CPLANE1: variants seen among roughly 807,000 people sequenced by gnomAD.
CPLANE1 encodes ciliogenesis and planar polarity effector 1.
In CPLANE1, 263 loss-of-function variants were observed where a neutral mutation model predicts 362.5. That is an observed-to-expected ratio of 0.73 (90% CI 0.66 to 0.80). The LOEUF is 0.80. CPLANE1 is among the 30% of genes least tolerant of loss of function. CPLANE1 has a pLI of 0.00. For synonymous variants in CPLANE1, 1,212 were observed against 1,302.6 expected (o/e 0.93, Z 1.50); for missense variants, 3,461 against 3,793.4 (o/e 0.91, Z 2.30).
intron 46 of CPLANE1, among the ~76,000 whole-genome samples, chr5:37,131,068 G>A (rs760289330): frequency 6.6e-5 from 10 of 152,202 alleles, no homozygotes; most frequent in South Asian, 2.1e-4. Context: ...TCGAAGAAGT[G>A]ATGAGTACTT....
chr5:37,142,402 T>A lies in CPLANE1; in HGVS notation c.8540A>T (p.Glu2847Val), dbSNP rs1313782081. 1.2e-6 allele frequency: 2 copies of A among 1,611,546 alleles called. No individual in the cohort carries two copies. The highest frequency in any genetic ancestry group is 4.5e-5 in the East Asian group (2 of 44,724). ...ACAGGTTTTCTGACCAGAATAATTT[T>A]CTGTTATTGAAAATTCAGGTTCTGA... ...ETSEPEFSIT[E>V]NYSGQKTCVF... Residue 2847 changes from glutamate (E) to valine (V), a missense_variant, in exon 44 of 53, where the codon GAA becomes GTA. This residue lies in a region of CPLANE1 where 3,380 missense variants were observed against 3,666.1 expected (regional missense o/e 0.92). Coordinates refer to ENST00000651892, the MANE Select transcript of CPLANE1 (RefSeq NM_001384732.1).
In CPLANE1 at chr5:37,241,877, G is replaced by A. The variant is rs189518002; in HGVS notation, c.677+1136C>T. ...ACTCCTGGGCTCAAGTGATCCTCCTGCCTCGGCCTCCCAGAGTGCTGGGAT... is the reference window on the plus strand; with the variant it reads ...ACTCCTGGGCTCAAGTGATCCTCCTACCTCGGCCTCCCAGAGTGCTGGGAT... On this transcript the variant is annotated intron_variant, in intron 6 of 52. Transcript: ENST00000651892. Among the ~76,000 whole-genome samples, 903 of 152,026 alleles carry A rather than the reference G, an allele frequency of 5.9e-3. 11 individuals are homozygous for A. The highest frequency in any genetic ancestry group is 0.021 in the African/African-American group (855 of 41,490).
At chr5:37,139,566 T>C in intron 44 of CPLANE1, 196 bp from the exon 45 acceptor site, 1 of 1,074,114 alleles carries the variant, frequency 9.3e-7, no homozygotes, top group Non-Finnish European at 1.2e-6. Flanking sequence ...GTCTACATAT[T>C]TTTTGAGACC....
chr5:37,179,270 T>A (rs10042218), intron 29 of CPLANE1, 91 bp downstream of exon 29: 1 of 830,124 alleles, frequency 1.2e-6, no homozygotes, highest in Non-Finnish European at 1.9e-6. Context: ...CCTGCTTTGA[T>A]ATATTTAATA....
chr5:37,082,243 C>T, the CPLANE1 span, among the ~76,000 whole-genome samples: 1 of 152,236 alleles, frequency 6.6e-6, no homozygotes, highest in Non-Finnish European at 1.5e-5. Flanking sequence ...TCAAATTTTA[C>T]ATCAAGCAAA....
At chr5:37,185,646 T>C (rs1783782057) in intron 24 of CPLANE1, among the ~76,000 whole-genome samples, 3 of 152,124 alleles carry the variant, frequency 2.0e-5, no homozygotes, top group African/African-American at 7.2e-5. Flanking sequence ...AATATATTAA[T>C]AGAATAATAC....
chr5:37,140,493 G>C, intron 44 of CPLANE1: 1 of 983,816 alleles, frequency 1.0e-6, no homozygotes, highest in Non-Finnish European at 1.2e-6. Flanking sequence ...AATAGTAATA[G>C]TTCTACCCCT....
In CPLANE1 at chr5:37,193,515, C is replaced by T. The variant is rs376785457; in HGVS notation, c.3811+2343G>A. Among the ~76,000 whole-genome samples, 233 of 152,010 alleles carry T rather than the reference C, an allele frequency of 1.5e-3. 1 individual carries two copies. Among genetic ancestry groups the T allele is most frequent in the African/African-American group, 5.3e-3 (218 of 41,460 alleles). ...ACTAAAAATACAAAAATTAGCTGGG[C>T]GCAGCAGCGGGTGCCTATAGTCCCA... is the stretch of plus-strand genomic sequence containing the variant. On this transcript the variant is annotated intron_variant, in intron 21 of 52. Coordinates refer to ENST00000651892, the MANE Select transcript of CPLANE1 (RefSeq NM_001384732.1).
the CPLANE1 span, among the ~76,000 whole-genome samples, chr5:37,084,382 CA>C: frequency 2.0e-5 from 3 of 152,038 alleles, no homozygotes; most frequent in Non-Finnish European, 4.4e-5. Flanking sequence ...AAAACAAAAA[CA>C]AAAAACCAAG....
intron 8 of CPLANE1, among the ~76,000 whole-genome samples, chr5:37,234,686 G>A (rs901488862): frequency 7.9e-5 from 12 of 152,056 alleles, no homozygotes; most frequent in African/African-American, 2.9e-4. Flanking sequence ...TTCAGATACA[G>A]GAGGCCCAGT....
At chr5:37,105,174 C>T (rs761023563), downstream of CPLANE1, among the ~76,000 whole-genome samples, 22 of 152,100 alleles carry the variant, frequency 1.4e-4, no homozygotes, top group Non-Finnish European at 2.6e-4. Context: ...GTGGTGCGCA[C>T]CTGGAGTCCC....
Position 37,227,014 on chromosome 5 carries a change from A to G in CPLANE1, c.1581T>C (p.Phe527=), listed in dbSNP as rs1480875888. 9 of 1,550,148 alleles carry G rather than the reference A, an allele frequency of 5.8e-6. No individual in the cohort carries two copies. In the East Asian group the frequency reaches 7.3e-5, roughly 13 times the overall value. Reference sequence around the variant, plus strand: ...ACAGCACATCATCTCTTTTGTTCCAAAAAGGACATAAGTTGTCTGGAAAGT... The same window carrying G: ...ACAGCACATCATCTCTTTTGTTCCAGAAAGGACATAAGTTGTCTGGAAAGT... ...GRHFPDNLCP[F]WNKRDDVLCS... The change falls in exon 12 of 53, where the codon TTT becomes TTC. Residue 527 remains phenylalanine, a synonymous_variant. Coordinates refer to ENST00000651892, the MANE Select transcript of CPLANE1 (RefSeq NM_001384732.1).
At chr5:37,132,417 T>C (rs1459785301) in intron 46 of CPLANE1, among the ~76,000 whole-genome samples, 1 of 140,160 alleles carries the variant, frequency 7.1e-6, no homozygotes, top group Non-Finnish European at 1.5e-5. Context: ...CAATCTCGGC[T>C]CACTGCAAGC....
chr5:37,131,443 C>T (rs1212822274), intron 46 of CPLANE1, among the ~76,000 whole-genome samples: 3 of 152,092 alleles, frequency 2.0e-5, no homozygotes, highest in Non-Finnish European at 4.4e-5. Context: ...TGACTTTCTT[C>T]CCCTGAGCTC....
intron 14 of CPLANE1, among the ~76,000 whole-genome samples, chr5:37,222,532 T>C (rs544898825): frequency 2.6e-5 from 4 of 152,332 alleles, no homozygotes; most frequent in African/African-American, 9.6e-5. Context: ...GGAAAGCCAC[T>C]CTTTCTCTGT....
At chr5:37,220,958 G>A (rs536869613) in intron 15 of CPLANE1, among the ~76,000 whole-genome samples, 7 of 152,284 alleles carry the variant, frequency 4.6e-5, no homozygotes, top group Admixed American at 3.9e-4. Context: ...TTGTAAGAAA[G>A]CAATCATACT....
chr5:37,187,770 T>C lies in CPLANE1; in HGVS notation c.3884A>G (p.Gln1295Arg). Residue 1295 changes from glutamine (Q) to arginine (R), a missense_variant, in exon 22 of 53, where the codon CAA becomes CGA. By Grantham distance (43) the Gln-to-Arg change is conservative (BLOSUM62 1). Coordinates refer to ENST00000651892, the MANE Select transcript of CPLANE1 (RefSeq NM_001384732.1). Reference protein sequence around the residue: ...VRDKLSYSCRQYQKARENVKG... With the variant: ...VRDKLSYSCRRYQKARENVKG... Reference sequence around the variant, plus strand: ...TACATTTTCTCTTGCTTTCTGATATTGCCTGCAACTATAGGATAACTTATC... The same window carrying C: ...TACATTTTCTCTTGCTTTCTGATATCGCCTGCAACTATAGGATAACTTATC... The C allele has an allele frequency of 6.2e-7, 1 of 1,613,924 alleles. No homozygotes were observed. Among genetic ancestry groups the C allele is most frequent in the African/African-American group, 1.3e-5 (1 of 75,042 alleles).
At position 37,226,750 on chromosome 5, in the gene CPLANE1, A is replaced by G. The variant is rs1264295036; in HGVS notation, c.1845T>C (p.Pro615=). 6.5e-7 allele frequency: 1 copy of G among 1,543,070 alleles called. No homozygotes were observed. The highest frequency in any genetic ancestry group is 1.4e-5 in the African/African-American group (1 of 72,566). Residue 615 remains proline (P), a synonymous_variant, in exon 12 of 53, where the codon CCT becomes CCC. Transcript: ENST00000651892. The stretch of plus-strand genomic sequence containing the variant: ...TTAAAACAAGATCAAGTTTAGGAAA[A>G]GGACATTTTATAAATTGAAGAATGT... ...FFYILQFIKC[P]FPKLDLVLSK...
At chr5:37,170,483 ATTT>A in intron 32 of CPLANE1, 152 bp from the exon 33 acceptor site, 32 of 629,726 alleles carry the variant, frequency 5.1e-5, no homozygotes, top group Non-Finnish European at 6.1e-5. Context: ...AGTCAGGGAA[ATTT>A]TTTTTTTTTT....
Sources: allele counts gnomAD v4.1 joint callset (sites outside exome capture counted in the v4.1 genomes callset), GRCh38; gene constraint gnomAD v4.1.1; regional missense constraint gnomAD v4.1.1; transcripts MANE v1.5; gene names NCBI Gene and HGNC (gene_info 2026-07-23, HGNC 2026-07-21).